SHISA5: variants seen among roughly 807,000 people sequenced by gnomAD.
The protein encoded by SHISA5 is protein shisa-5.
SHISA5 carries 21 observed loss-of-function variants against 27.5 expected under a neutral mutation model. The observed-to-expected ratio is 0.76, with a 90% CI of 0.54 to 1.10. The LOEUF (loss-of-function observed/expected upper bound fraction) is 1.10, where lower values mean the gene tolerates loss of function less well. Ranked by LOEUF, SHISA5 falls within the 50% of genes least tolerant of loss-of-function variation. The pLI is 0.00. For missense variants in SHISA5, 314 were observed against 336.3 expected (o/e 0.93, Z 0.52); for synonymous variants, 137 against 142.2 (o/e 0.96, Z 0.26).
At chr3:48,475,507 C>T (rs945448333) in intron 3 of SHISA5, among the ~76,000 whole-genome samples, 6 of 152,114 alleles carry the variant, frequency 3.9e-5, no homozygotes, top group South Asian at 2.1e-4. Flanking sequence ...CTGGGATACC[C>T]GCACCCCCAC....
At chr3:48,502,577 TG>T in intron 1 of SHISA5, 1 of 350,594 alleles carries the variant, frequency 2.9e-6, no homozygotes, top group Non-Finnish European at 5.7e-6. Context: ...CCCAGGTTTT[TG>T]GATGACCACA....
rs975326313 is a variant in SHISA5, at chr3:48,469,936, G to A, written c.315-93C>T. On this transcript the variant is annotated intron_variant, in intron 3 of 5. Transcript: ENST00000296444. This position sits in a 1 kb window ranked among gnomAD's most constrained non-coding sequence, Gnocchi z 4.6. The stretch of plus-strand genomic sequence containing the variant: ...AGGCATGCCCCTCTTGCCAGAAGGG[G>A]TCTGGGCAATACAGTTATAGCTACT... The A allele has an allele frequency of 1.2e-5, 18 of 1,494,412 alleles. No individual in the cohort carries two copies. The African/African-American group carries it at 2.1e-4, about 17-fold the overall frequency. The allele number at this position is 1,494,412 out of a possible 1,614,324, so 92.6% of individuals were successfully genotyped here.
chr3:48,479,424 C>CCA, intron 2 of SHISA5, 167 bp from the exon 3 acceptor site: 1 of 622,050 alleles, frequency 1.6e-6, no homozygotes, highest in Admixed American at 2.7e-5. Flanking sequence ...TAGCACAAAG[C>CCA]CACACATCCT....
chr3:48,473,031 A>T lies in SHISA5; in HGVS notation c.315-3188T>A. 1 of 1,535,676 alleles carries T rather than the reference A, an allele frequency of 6.5e-7. No individual in the cohort carries two copies. On this transcript the variant is annotated intron_variant, in intron 3 of 5. Coordinates refer to ENST00000296444, the MANE Select transcript of SHISA5 (RefSeq NM_016479.6). The surrounding 1 kb of genome is among the most constrained non-coding windows in gnomAD (Gnocchi z 4.3). ...TCACCCCATGTTAGCCTCTGCCTTC[A>T]CCCAGAGGCCTCCTGTACCCCTGGG...
chr3:48,496,290 A>G (rs1348344460), intron 2 of SHISA5, among the ~76,000 whole-genome samples: 1 of 109,346 alleles, frequency 9.1e-6, no homozygotes, highest in Non-Finnish European at 1.8e-5. Context: ...CGACTCCGTC[A>G]AAAAAAAAAA....
chr3:48,486,429 T>A (rs1575321824), intron 2 of SHISA5, among the ~76,000 whole-genome samples: 1 of 100,784 alleles, frequency 9.9e-6, no homozygotes, highest in Non-Finnish European at 1.8e-5. Flanking sequence ...TATTATATAT[T>A]TTATATATTT....
intron 2 of SHISA5, among the ~76,000 whole-genome samples, chr3:48,497,439 T>C (rs902470629): frequency 4.0e-5 from 6 of 150,866 alleles, no homozygotes; most frequent in African/African-American, 1.5e-4. Context: ...ATTTTTGTAT[T>C]TTTAGTAGAG....
intron 3 of SHISA5, among the ~76,000 whole-genome samples, chr3:48,478,801 A>G (rs2040906086): frequency 6.6e-6 from 1 of 151,940 alleles, no homozygotes; most frequent in African/African-American, 2.4e-5. Flanking sequence ...ACCAATGCCC[A>G]ATCACAATAT....
At chr3:48,488,438 A>ATTT (rs2041317884) in intron 2 of SHISA5, among the ~76,000 whole-genome samples, 1 of 151,122 alleles carries the variant, frequency 6.6e-6, no homozygotes, top group African/African-American at 2.4e-5. Flanking sequence ...CATGTTAGCC[A>ATTT]GGATGGTCTT....
intron 3 of SHISA5, chr3:48,476,963 A>G (rs996213116): frequency 4.9e-6 from 2 of 410,400 alleles, no homozygotes; most frequent in Non-Finnish European, 9.5e-6. Flanking sequence ...CACCTTGGGG[A>G]GTCAGAGGTG....
At chr3:48,489,308 T>A (rs959632179) in intron 2 of SHISA5, among the ~76,000 whole-genome samples, 2 of 151,390 alleles carry the variant, frequency 1.3e-5, no homozygotes, top group African/African-American at 4.8e-5. Flanking sequence ...TGGACACCCC[T>A]GCTACAGCTA....
intron 2 of SHISA5, among the ~76,000 whole-genome samples, chr3:48,484,964 C>A (rs1228821220): frequency 6.6e-6 from 1 of 152,082 alleles, no homozygotes; most frequent in Non-Finnish European, 1.5e-5. Context: ...GAGGCCGAGG[C>A]TAGAGAATCG....
chr3:48,487,865 C>T (rs1182646576), intron 2 of SHISA5, among the ~76,000 whole-genome samples: 2 of 152,242 alleles, frequency 1.3e-5, no homozygotes, highest in Non-Finnish European at 2.9e-5. Context: ...CACTGCACTC[C>T]AGCCTGGGCA....
intron 3 of SHISA5, among the ~76,000 whole-genome samples, chr3:48,476,573 G>A (rs1270223771): frequency 1.3e-5 from 2 of 152,162 alleles, no homozygotes; most frequent in South Asian, 2.1e-4. Context: ...CAGTGCCCTT[G>A]GCCAAGTAGG....
chr3:48,496,487 A>G (rs1233951765), intron 2 of SHISA5, among the ~76,000 whole-genome samples: 1 of 151,770 alleles, frequency 6.6e-6, no homozygotes, highest in Admixed American at 6.6e-5. Flanking sequence ...TCCCGGCTAC[A>G]TGGGAGGCTG....
rs2040550835 is a variant in SHISA5, at chr3:48,470,013, TG to T, written c.315-171del. 1.2e-6 allele frequency: 1 copy of T among 839,718 alleles called. No homozygotes were observed. Among genetic ancestry groups the T allele is most frequent in the Non-Finnish European group, 1.8e-6 (1 of 543,274 alleles). 52.0% of individuals were successfully genotyped at this position (839,718 alleles called of 1,614,324 possible). ...TCAATCTGTTTCCTCTTGTGTAAAC[TG>T]GGGTATATGTGAGTCCCTGTAACTG... On this transcript the variant is annotated intron_variant, in intron 3 of 5. Transcript: ENST00000296444. The surrounding 1 kb of genome is among the most constrained non-coding windows in gnomAD (Gnocchi z 4.3).
intron 3 of SHISA5, among the ~76,000 whole-genome samples, chr3:48,471,578 A>ACT (rs199983750): frequency 0.49 from 54,753 of 112,116 alleles, 14,677 homozygotes; most frequent in East Asian, 0.61. Flanking sequence ...AAAAAAAAAA[A>ACT]GTCAGCCTTA....
chr3:48,474,865 A>T (rs2040766879), intron 3 of SHISA5, among the ~76,000 whole-genome samples: 1 of 151,290 alleles, frequency 6.6e-6, no homozygotes, highest in Non-Finnish European at 1.5e-5. Context: ...ATTCCTGCTC[A>T]CCCCTCAGGC....
chr3:48,496,591 G>T (rs868059305), intron 2 of SHISA5, among the ~76,000 whole-genome samples: 1 of 151,734 alleles, frequency 6.6e-6, no homozygotes, highest in African/African-American at 2.4e-5. Flanking sequence ...AAATTTAGCT[G>T]GGCGAGGTGG....
Sources: gnomAD v4.1 joint callset for allele counts (sites outside exome capture counted in the v4.1 genomes callset) on GRCh38, gnomAD v4.1.1 for gene constraint, Gnocchi (gnomAD v3.1) non-coding constraint, MANE v1.5 for transcripts, NCBI Gene and HGNC (gene_info 2026-07-23, HGNC 2026-07-21) for gene names.